GALNT18: variants seen among roughly 807,000 people sequenced by gnomAD.
The protein encoded by GALNT18 is GalNAc-transferase 18.
Under a neutral mutation model 69.5 loss-of-function variants are expected in GALNT18, and 44 were observed. The ratio of observed to expected loss-of-function variants is 0.63; its 90% CI spans 0.50 to 0.81. The LOEUF is 0.81. Among genes scored for constraint, GALNT18 ranks in the 40% least tolerant of loss-of-function variants. GALNT18 has a pLI of 0.00. For synonymous variants in GALNT18, 364 were observed against 318.2 expected (o/e 1.14, Z -1.53); for missense variants, 715 against 810.0 (o/e 0.88, Z 1.42).
chr11:11,320,114 A>C lies in GALNT18; in HGVS notation c.1512+6972T>G, dbSNP rs1849819152. On this transcript the variant is annotated intron_variant, in intron 9 of 10. Transcript: ENST00000227756. This position sits in a 1 kb window ranked among gnomAD's most constrained non-coding sequence, Gnocchi z 4.9. The stretch of plus-strand genomic sequence containing the variant: ...CACTCACCTAAGAGACTCAGTTAGT[A>C]AGTGGCATGGCTGGGATTTGAACCC... Among the ~76,000 whole-genome samples the C allele has an allele frequency of 6.6e-6, 1 of 152,214 alleles. No homozygotes were observed. The highest frequency in any genetic ancestry group is 6.5e-5 in the Admixed American group (1 of 15,290).
chr11:11,371,713 C>T (rs1188385980), intron 6 of GALNT18, among the ~76,000 whole-genome samples: 2 of 152,142 alleles, frequency 1.3e-5, no homozygotes, highest in Non-Finnish European at 2.9e-5. Context: ...GGGCAGGCTT[C>T]CTTCTAGGAC....
Position 11,430,643 on chromosome 11 carries a change from C to G in GALNT18, c.595+1978G>C, listed in dbSNP as rs1564945209. On this transcript the variant is annotated intron_variant, in intron 3 of 10. Coordinates refer to ENST00000227756, the MANE Select transcript of GALNT18 (RefSeq NM_198516.3). This position sits in a 1 kb window ranked among gnomAD's most constrained non-coding sequence, Gnocchi z 4.9. The stretch of plus-strand genomic sequence containing the variant: ...TCTTCTGGGGCAATGCATTGCCATC[C>G]TCTGAATCACCCTGGCTTGAAACTC... Among the ~76,000 whole-genome samples, 1 of 152,230 alleles carries G rather than the reference C, an allele frequency of 6.6e-6. No individual in the cohort carries two copies. Among genetic ancestry groups the G allele is most frequent in the Non-Finnish European group, 1.5e-5 (1 of 68,042 alleles).
At position 11,595,430 on chromosome 11, in the gene GALNT18, C is replaced by T. The variant is rs1038913532; in HGVS notation, c.235+25929G>A. On this transcript the variant is annotated intron_variant, in intron 1 of 10. Coordinates refer to ENST00000227756, the MANE Select transcript of GALNT18 (RefSeq NM_198516.3). The surrounding 1 kb of genome is among the most constrained non-coding windows in gnomAD (Gnocchi z 5.2). The stretch of plus-strand genomic sequence containing the variant: ...GGCACCCTGATCTTGGACTTCTCAC[C>T]CTCCAAAACTGTGAGAAATTTCTGT... 6.6e-6 allele frequency among the ~76,000 whole-genome samples: 1 copy of T among 152,148 alleles called. No homozygotes were observed. Among genetic ancestry groups the T allele is most frequent in the Non-Finnish European group, 1.5e-5 (1 of 68,034 alleles).
intron 8 of GALNT18, among the ~76,000 whole-genome samples, chr11:11,327,760 G>T: frequency 6.6e-6 from 1 of 152,184 alleles, no homozygotes; most frequent in East Asian, 1.9e-4. Flanking sequence ...TCACCTACAG[G>T]TGGATGGATC....
rs1367443518 is a variant in GALNT18 at position 11,383,367 on chromosome 11, T to A, written c.596-4103A>T. ...AGCCGGAAGGGTCTGGCATGGAGGC[T>A]GTTAATCTGATTTAAGTACTTAATG... On this transcript the variant is annotated intron_variant, in intron 3 of 10. Coordinates refer to ENST00000227756, the MANE Select transcript of GALNT18 (RefSeq NM_198516.3). The surrounding 1 kb of genome is among the most constrained non-coding windows in gnomAD (Gnocchi z 5.2). Among the ~76,000 whole-genome samples the A allele has an allele frequency of 6.6e-6, 1 of 152,198 alleles. No individual in the cohort carries two copies. The highest frequency in any genetic ancestry group is 1.5e-5 in the Non-Finnish European group (1 of 68,026).
chr11:11,498,349 A>T lies in GALNT18; in HGVS notation c.236-49413T>A, dbSNP rs376109634. On this transcript the variant is annotated intron_variant, in intron 1 of 10. Transcript: ENST00000227756. The stretch of plus-strand genomic sequence containing the variant: ...GACTGGGAAGAAACCCAGCTCTGTG[A>T]CCCTTGGTAAGCATTCACCCAAGTG... 2.6e-5 allele frequency among the ~76,000 whole-genome samples: 4 copies of T among 152,348 alleles called. No homozygotes were observed. The South Asian group carries it at 6.2e-4, about 24-fold the overall frequency.
intron 1 of GALNT18, among the ~76,000 whole-genome samples, chr11:11,501,155 GA>G: frequency 6.6e-6 from 1 of 152,326 alleles, no homozygotes; most frequent in African/African-American, 2.4e-5. Context: ...CCCATATTCA[GA>G]AGGTAAAAGT....
Position 11,315,755 on chromosome 11 carries a change from C to T in GALNT18, c.1512+11331G>A, listed in dbSNP as rs961345898. On this transcript the variant is annotated intron_variant, in intron 9 of 10. Transcript: ENST00000227756. This position sits in a 1 kb window ranked among gnomAD's most constrained non-coding sequence, Gnocchi z 5.6. The stretch of plus-strand genomic sequence containing the variant: ...TTAGAAAGATCAGATCACTTGCCCC[C>T]GTCATACATGTGGTACGGGCAGAAC... Among the ~76,000 whole-genome samples the T allele has an allele frequency of 9.9e-5, 15 of 152,264 alleles. No homozygotes were observed. Among genetic ancestry groups the T allele is most frequent in the East Asian group, 3.9e-4 (2 of 5,172 alleles).
chr11:11,542,725 T>C lies in GALNT18; in HGVS notation c.235+78634A>G, dbSNP rs1158024467. Among the ~76,000 whole-genome samples the C allele has an allele frequency of 6.6e-6, 1 of 152,238 alleles. No homozygotes were observed. The highest frequency in any genetic ancestry group is 6.5e-5 in the Admixed American group (1 of 15,284). On this transcript the variant is annotated intron_variant, in intron 1 of 10. Transcript: ENST00000227756. This position sits in a 1 kb window ranked among gnomAD's most constrained non-coding sequence, Gnocchi z 4.3. ...GTGTATCACATTTGTGTAAAGCAAATTTCAGTTTGCCTTTGAGTTCCTTTA... is the reference window on the plus strand; with the variant it reads ...GTGTATCACATTTGTGTAAAGCAAACTTCAGTTTGCCTTTGAGTTCCTTTA...
chr11:11,484,401 T>A (rs1856598752), intron 1 of GALNT18, among the ~76,000 whole-genome samples: 1 of 152,028 alleles, frequency 6.6e-6, no homozygotes, highest in African/African-American at 2.4e-5. Context: ...GAGACCAGCC[T>A]GACCAACATG....
chr11:11,358,387 A>G (rs1456780466), intron 6 of GALNT18, among the ~76,000 whole-genome samples: 2 of 139,932 alleles, frequency 1.4e-5, no homozygotes, highest in Non-Finnish European at 3.2e-5. Context: ...AACTATCTCA[A>G]ATTCTTCTCT....
At chr11:11,581,205 G>A (rs1345211861) in intron 1 of GALNT18, among the ~76,000 whole-genome samples, 2 of 152,196 alleles carry the variant, frequency 1.3e-5, no homozygotes, top group East Asian at 1.9e-4. Context: ...TAGGGGCCCC[G>A]ACAGCACTGT....
At chr11:11,330,213 T>C (rs1849994176) in intron 8 of GALNT18, among the ~76,000 whole-genome samples, 1 of 152,172 alleles carries the variant, frequency 6.6e-6, no homozygotes, top group Non-Finnish European at 1.5e-5. Flanking sequence ...CTGGCTCGAC[T>C]CAGAGTCCCA....
rs867458610 is a variant in GALNT18 at position 11,538,019 on chromosome 11, C to T, written c.235+83340G>A. On this transcript the variant is annotated intron_variant, in intron 1 of 10. Transcript: ENST00000227756. This position sits in a 1 kb window ranked among gnomAD's most constrained non-coding sequence, Gnocchi z 5.2. The stretch of plus-strand genomic sequence containing the variant: ...AACAATAATGATAACTACCAATTAC[C>T]GAGCACTTACTACATGCCAGACACT... 3.9e-5 allele frequency among the ~76,000 whole-genome samples: 6 copies of T among 152,252 alleles called. No individual in the cohort carries two copies. The South Asian group carries it at 8.3e-4, about 21-fold the overall frequency.
intron 1 of GALNT18, among the ~76,000 whole-genome samples, chr11:11,594,848 T>TAC (rs1554956013): frequency 0.05 from 5,652 of 113,914 alleles, 193 homozygotes; most frequent in East Asian, 0.15. Flanking sequence ...TATACACATA[T>TAC]ACATACATAC....
Position 11,463,299 on chromosome 11 carries a change from TC to T in GALNT18, c.236-14364del, listed in dbSNP as rs1393216912. 6.6e-6 allele frequency among the ~76,000 whole-genome samples: 1 copy of T among 152,030 alleles called. No homozygotes were observed. The highest frequency in any genetic ancestry group is 2.4e-5 in the African/African-American group (1 of 41,372). On this transcript the variant is annotated intron_variant, in intron 1 of 10. Coordinates refer to ENST00000227756, the MANE Select transcript of GALNT18 (RefSeq NM_198516.3). The surrounding 1 kb of genome is among the most constrained non-coding windows in gnomAD (Gnocchi z 4.2). ...TCATCCTGAAAACAGATTCTTCTAG[TC>T]CCAAGTGGTTGCTCACTGCTTATAG...
At chr11:11,294,214 G>A (rs1849357041) in intron 9 of GALNT18, among the ~76,000 whole-genome samples, 1 of 152,196 alleles carries the variant, frequency 6.6e-6, no homozygotes. Flanking sequence ...CCCTCCCAGG[G>A]GCGTTGCACA....
intron 3 of GALNT18, among the ~76,000 whole-genome samples, chr11:11,390,164 C>A (rs1307581905): frequency 1.3e-5 from 2 of 152,194 alleles, no homozygotes; most frequent in Non-Finnish European, 2.9e-5. Context: ...CCAGTCCCCA[C>A]CACCAGTTGT....
rs910191396 is a variant in GALNT18, at chr11:11,338,551, A to G, written c.1278+2268T>C. Among the ~76,000 whole-genome samples, 1 of 152,174 alleles carries G rather than the reference A, an allele frequency of 6.6e-6. No homozygotes were observed. Among genetic ancestry groups the G allele is most frequent in the Admixed American group, 6.5e-5 (1 of 15,276 alleles). ...ATGTCTGGAAGATGGTGGCACCATG[A>G]ACTGAGACAGGATGAGAACAGGAGC... On this transcript the variant is annotated intron_variant, in intron 7 of 10. Coordinates refer to ENST00000227756, the MANE Select transcript of GALNT18 (RefSeq NM_198516.3). This position sits in a 1 kb window ranked among gnomAD's most constrained non-coding sequence, Gnocchi z 5.3.
Sources: allele counts gnomAD v4.1 joint callset (sites outside exome capture counted in the v4.1 genomes callset), GRCh38; gene constraint gnomAD v4.1.1; non-coding constraint Gnocchi (gnomAD v3.1); transcripts MANE v1.5; gene names NCBI Gene and HGNC (gene_info 2026-07-23, HGNC 2026-07-21).